ASIC2: variants seen among roughly 807,000 people sequenced by gnomAD.
ASIC2 encodes acid-sensing ion channel 2.
Under a neutral mutation model 57.3 loss-of-function variants are expected in ASIC2, and 25 were observed. The ratio of observed to expected loss-of-function variants is 0.44; its 90% CI spans 0.32 to 0.61. ASIC2 has a LOEUF of 0.61. Ranked by LOEUF, ASIC2 falls within the 20% of genes least tolerant of loss-of-function variation. ASIC2 has a pLI of 0.06. For missense variants in ASIC2, 641 were observed against 738.1 expected (o/e 0.87, Z 1.52); for synonymous variants, 319 against 307.5 (o/e 1.04, Z -0.39).
intron 1 of ASIC2, among the ~76,000 whole-genome samples, chr17:33,324,273 C>T (rs1028643382): frequency 4.6e-5 from 7 of 151,390 alleles, no homozygotes; most frequent in African/African-American, 1.7e-4. Flanking sequence ...AGAAGCAGAA[C>T]AAGGTTATGG....
intron 1 of ASIC2, among the ~76,000 whole-genome samples, chr17:33,328,090 A>T (rs1317468172): frequency 6.6e-6 from 1 of 152,208 alleles, no homozygotes. Flanking sequence ...TTCTATCTCC[A>T]GAACTGTGGG....
intron 1 of ASIC2, among the ~76,000 whole-genome samples, chr17:33,602,122 T>C (rs1247654795): frequency 6.6e-6 from 1 of 150,878 alleles, no homozygotes; most frequent in African/African-American, 2.4e-5. Context: ...AGATAAGACT[T>C]TGGAGTTTGG....
intron 1 of ASIC2, among the ~76,000 whole-genome samples, chr17:33,506,441 C>A (rs35506129): frequency 0.02 from 3,059 of 150,576 alleles, 96 homozygotes; most frequent in African/African-American, 0.069. Context: ...TAGACAAAGA[C>A]CTAAGTCATT....
At chr17:33,046,108 C>A (rs1352287913) in intron 3 of ASIC2, among the ~76,000 whole-genome samples, 1 of 152,172 alleles carries the variant, frequency 6.6e-6, no homozygotes. Context: ...AGCTAGTCAT[C>A]CATCTTCAAT....
intron 1 of ASIC2, among the ~76,000 whole-genome samples, chr17:33,720,560 T>C (rs1020713230): frequency 6.6e-6 from 1 of 152,210 alleles, no homozygotes; most frequent in Non-Finnish European, 1.5e-5. Context: ...TTCTAGTAAC[T>C]TGAGGAATGG....
chr17:33,279,541 C>T (rs1010946726), intron 1 of ASIC2, among the ~76,000 whole-genome samples: 2 of 152,070 alleles, frequency 1.3e-5, no homozygotes, highest in African/African-American at 4.8e-5. Context: ...ATTCTTGGAA[C>T]GTGGAGCACG....
chr17:34,113,050 CA>C (rs761933127), intron 1 of ASIC2, among the ~76,000 whole-genome samples: 3 of 152,030 alleles, frequency 2.0e-5, no homozygotes, highest in Non-Finnish European at 4.4e-5. Flanking sequence ...TTCAAGTAAC[CA>C]ACAGTATTTT....
At chr17:33,469,795 G>T (rs115955933) in intron 1 of ASIC2, among the ~76,000 whole-genome samples, 2,803 of 152,220 alleles carry the variant, frequency 0.018, 86 homozygotes, top group African/African-American at 0.063. Flanking sequence ...AGGAAATATG[G>T]TCAATTCCCT....
chr17:33,617,066 C>T (rs1905629080), intron 1 of ASIC2, among the ~76,000 whole-genome samples: 1 of 152,142 alleles, frequency 6.6e-6, no homozygotes, highest in African/African-American at 2.4e-5. Flanking sequence ...CCTAACCTAA[C>T]ATTTGTGAAT....
At chr17:33,881,162 TG>T (rs1196065669) in intron 1 of ASIC2, among the ~76,000 whole-genome samples, 1 of 152,172 alleles carries the variant, frequency 6.6e-6, no homozygotes, top group Non-Finnish European at 1.5e-5. Context: ...TCATACTGAA[TG>T]GGCAAAAACT....
At chr17:33,486,216 C>G (rs184943151) in intron 1 of ASIC2, among the ~76,000 whole-genome samples, 1 of 152,316 alleles carries the variant, frequency 6.6e-6, no homozygotes, top group East Asian at 1.9e-4. Flanking sequence ...CTGACACCTA[C>G]GGGTAGTGTT....
intron 1 of ASIC2, among the ~76,000 whole-genome samples, chr17:33,274,791 T>A (rs898511247): frequency 3.9e-5 from 6 of 152,194 alleles, no homozygotes; most frequent in African/African-American, 1.4e-4. Flanking sequence ...GGATGGGCAC[T>A]AGAGGCCCAG....
chr17:34,144,809 A>G (rs1379533533), intron 1 of ASIC2, among the ~76,000 whole-genome samples: 3 of 152,094 alleles, frequency 2.0e-5, no homozygotes, highest in Non-Finnish European at 4.4e-5. Flanking sequence ...TTCTTCCAAC[A>G]TTTGCCAAGC....
At chr17:33,626,116 T>C (rs1905974639) in intron 1 of ASIC2, among the ~76,000 whole-genome samples, 1 of 152,192 alleles carries the variant, frequency 6.6e-6, no homozygotes, top group Non-Finnish European at 1.5e-5. Flanking sequence ...TTTGCAGCTG[T>C]AGAATGCAGT....
At chr17:33,400,128 CCCACCAATTTCT>C (rs1260018585) in intron 1 of ASIC2, among the ~76,000 whole-genome samples, 1 of 152,120 alleles carries the variant, frequency 6.6e-6, no homozygotes, top group African/African-American at 2.4e-5. Flanking sequence ...ATTTGGTTTC[CCCACCAATTTCT>C]CTCTTTTCTC....
At chr17:33,739,054 G>T (rs964538) in intron 1 of ASIC2, among the ~76,000 whole-genome samples, 5 of 152,116 alleles carry the variant, frequency 3.3e-5, no homozygotes, top group Non-Finnish European at 7.4e-5. Flanking sequence ...AAAGCTGTAA[G>T]GTTGACAAAA....
chr17:33,958,768 GCTC>G (rs1904825949), intron 1 of ASIC2, among the ~76,000 whole-genome samples: 2 of 152,208 alleles, frequency 1.3e-5, no homozygotes, highest in Admixed American at 6.5e-5. Context: ...TTAACATTTG[GCTC>G]CTCATTACTT....
intron 1 of ASIC2, among the ~76,000 whole-genome samples, chr17:34,142,625 T>A (rs1040145885): frequency 2.0e-5 from 3 of 152,212 alleles, no homozygotes; most frequent in Non-Finnish European, 4.4e-5. Flanking sequence ...GCTCCAGCTC[T>A]TATTCACTGC....
At chr17:34,088,542 A>G (rs573527707) in intron 1 of ASIC2, among the ~76,000 whole-genome samples, 2,954 of 152,100 alleles carry the variant, frequency 0.019, 92 homozygotes, top group East Asian at 0.059. Flanking sequence ...GCTGTGTGCT[A>G]GGAGAACCAC....
Sources: allele counts gnomAD v4.1 joint callset (sites outside exome capture counted in the v4.1 genomes callset), GRCh38; gene constraint gnomAD v4.1.1; transcripts MANE v1.5; gene names NCBI Gene and HGNC (gene_info 2026-07-23, HGNC 2026-07-21).